Variants in CRACD observed in about 807,000 individuals in gnomAD.
The protein encoded by CRACD is capping protein-inhibiting regulator of actin dynamics.
A neutral mutation model predicts 106.8 loss-of-function variants in CRACD; 56 were observed. The observed-to-expected ratio is 0.52, with a 90% CI of 0.42 to 0.66. The LOEUF is 0.66. Among genes scored for constraint, CRACD ranks in the 30% least tolerant of loss-of-function variants. CRACD has a pLI of 0.00. For missense variants in CRACD, 1,730 were observed against 1,623.2 expected (o/e 1.07, Z -1.13); for synonymous variants, 754 against 670.8 (o/e 1.12, Z -1.92).
chr4:56,292,708 T>G (rs559346387), intron 3 of CRACD, among the ~76,000 whole-genome samples: 2 of 152,206 alleles, frequency 1.3e-5, no homozygotes, highest in South Asian at 4.2e-4. Context: ...GTATTTTTAG[T>G]AGAGACAGGG....
At chr4:56,258,918 A>C (rs1283302826) in intron 2 of CRACD, among the ~76,000 whole-genome samples, 1 of 152,070 alleles carries the variant, frequency 6.6e-6, no homozygotes, top group Non-Finnish European at 1.5e-5. Flanking sequence ...ATATTACCCA[A>C]CCATATATGC....
At chr4:56,051,997 A>G (rs915320091) in intron 1 of CRACD, among the ~76,000 whole-genome samples, 4 of 152,182 alleles carry the variant, frequency 2.6e-5, no homozygotes, top group Non-Finnish European at 1.5e-5. Context: ...CTAAGCACTC[A>G]GTGTCAGCTA....
chr4:56,298,359 C>T lies in CRACD; in HGVS notation c.120+10C>T. ...AGTCAAAACTCTTCAGGTAAGACAG[C>T]TTGAGAGTGGAATTACGAGCCATAG... On this transcript the variant is annotated intron_variant, in intron 4 of 10. Transcript: ENST00000682029. 1 of 1,613,082 alleles carries T rather than the reference C, an allele frequency of 6.2e-7. No individual in the cohort carries two copies. Among genetic ancestry groups the T allele is most frequent in the Non-Finnish European group, 8.5e-7 (1 of 1,179,592 alleles).
chr4:56,319,943 C>T (rs752607242), intron 8 of CRACD, among the ~76,000 whole-genome samples: 6 of 152,084 alleles, frequency 3.9e-5, no homozygotes, highest in Non-Finnish European at 7.4e-5. Flanking sequence ...GAAGCCAAGG[C>T]GGGCAGATCA....
At chr4:56,174,273 C>T (rs1216503502) in intron 1 of CRACD, among the ~76,000 whole-genome samples, 1 of 152,166 alleles carries the variant, frequency 6.6e-6, no homozygotes, top group African/African-American at 2.4e-5. Flanking sequence ...TCCATCACCT[C>T]AGACCTTTAT....
chr4:56,169,360 C>G (rs1736269936), intron 1 of CRACD, among the ~76,000 whole-genome samples: 1 of 152,180 alleles, frequency 6.6e-6, no homozygotes, highest in Non-Finnish European at 1.5e-5. Flanking sequence ...CTTTGAGTTT[C>G]TAGCATTAGC....
chr4:56,124,461 T>A (rs1333259528), intron 1 of CRACD, among the ~76,000 whole-genome samples: 1 of 152,206 alleles, frequency 6.6e-6, no homozygotes, highest in African/African-American at 2.4e-5. Flanking sequence ...AGAACAGGAC[T>A]CTTTTAAAAT....
intron 4 of CRACD, among the ~76,000 whole-genome samples, chr4:56,301,441 ATGTG>A (rs774958084): frequency 6.2e-4 from 94 of 152,170 alleles, no homozygotes; most frequent in Non-Finnish European, 1.0e-3. Context: ...GTCTTTGTGT[ATGTG>A]TGTATGTTTA....
intron 2 of CRACD, among the ~76,000 whole-genome samples, chr4:56,234,043 TC>T (rs1237336664): frequency 3.3e-5 from 5 of 152,190 alleles, no homozygotes; most frequent in Admixed American, 3.3e-4. Flanking sequence ...CTGCAATCTT[TC>T]TGGACTCACT....
intron 2 of CRACD, among the ~76,000 whole-genome samples, chr4:56,227,996 A>G (rs1739400486): frequency 6.6e-6 from 1 of 152,128 alleles, no homozygotes; most frequent in African/African-American, 2.4e-5. Context: ...GGATATATGT[A>G]AGGAGCATCA....
At chr4:56,227,601 A>G (rs1002797489) in intron 2 of CRACD, among the ~76,000 whole-genome samples, 1 of 152,234 alleles carries the variant, frequency 6.6e-6, no homozygotes, top group African/African-American at 2.4e-5. Flanking sequence ...TAAATATTTT[A>G]GGCTTTACGG....
At chr4:56,243,375 G>T (rs1008066940) in intron 2 of CRACD, among the ~76,000 whole-genome samples, 1 of 152,192 alleles carries the variant, frequency 6.6e-6, no homozygotes, top group African/African-American at 2.4e-5. Context: ...AATAGAAAGA[G>T]TTGCAGCATC....
chr4:56,303,819 G>C (rs907448736), intron 4 of CRACD, among the ~76,000 whole-genome samples: 1 of 152,174 alleles, frequency 6.6e-6, no homozygotes, highest in African/African-American at 2.4e-5. Context: ...TGGCTGTAGG[G>C]CATGTCTTCG....
chr4:56,218,504 T>TC (rs1192749428), intron 2 of CRACD, among the ~76,000 whole-genome samples: 1 of 116,434 alleles, frequency 8.6e-6, no homozygotes, highest in Non-Finnish European at 1.7e-5. Context: ...TCCCTTATCT[T>TC]CCCCTCCCCT....
intron 1 of CRACD, among the ~76,000 whole-genome samples, chr4:56,175,052 A>G (rs1736526575): frequency 6.6e-6 from 1 of 152,014 alleles, no homozygotes; most frequent in Admixed American, 6.6e-5. Context: ...TGATCCAGTC[A>G]CCTCTCACCA....
In CRACD at chr4:56,330,130, A is replaced by G. The variant is rs2109814119; in HGVS notation, c.*2326A>G. Reference sequence around the variant, plus strand: ...CAACAAACTATGGGGAATTCTGTAAAAACATATAAAAAGTTCAAGACTTTT... The same window carrying G: ...CAACAAACTATGGGGAATTCTGTAAGAACATATAAAAAGTTCAAGACTTTT... On this transcript the variant is annotated 3_prime_UTR_variant, in exon 11 of 11. Coordinates refer to ENST00000682029, the MANE Select transcript of CRACD (RefSeq NM_001393381.1). Among the ~76,000 whole-genome samples, 1 of 152,276 alleles carries G rather than the reference A, an allele frequency of 6.6e-6. No individual in the cohort carries two copies. The highest frequency in any genetic ancestry group is 1.5e-5 in the Non-Finnish European group (1 of 68,026).
At chr4:56,189,686 A>T (rs1737274387) in intron 2 of CRACD, among the ~76,000 whole-genome samples, 2 of 150,096 alleles carry the variant, frequency 1.3e-5, no homozygotes, top group African/African-American at 4.9e-5. Context: ...ACTGAGAATG[A>T]TGGTTTCCAG....
chr4:56,169,056 G>A (rs73240521), intron 1 of CRACD, among the ~76,000 whole-genome samples: 1,875 of 152,284 alleles, frequency 0.012, 14 homozygotes, highest in Non-Finnish European at 0.02. Context: ...AGGCATTCCT[G>A]AAGTGGGTAA....
At chr4:56,108,863 A>T (rs757969387) in intron 1 of CRACD, among the ~76,000 whole-genome samples, 10 of 152,246 alleles carry the variant, frequency 6.6e-5, no homozygotes, top group Admixed American at 5.2e-4. Flanking sequence ...TACGAACTTC[A>T]AAGCGGAACC....
Sources: allele counts gnomAD v4.1 joint callset (sites outside exome capture counted in the v4.1 genomes callset), GRCh38; gene constraint gnomAD v4.1.1; transcripts MANE v1.5; gene names NCBI Gene and HGNC (gene_info 2026-07-23, HGNC 2026-07-21).